The following NFYC variants were observed in gnomAD, a reference collection of about 807,000 sequenced individuals.
NFYC encodes CAAT box DNA-binding protein subunit C.
In NFYC, 25 loss-of-function variants were observed where a neutral mutation model predicts 53.1. The ratio of observed to expected loss-of-function variants is 0.47; its 90% CI spans 0.34 to 0.66. NFYC has a LOEUF of 0.66. Among genes scored for constraint, NFYC ranks in the 30% least tolerant of loss-of-function variants. The probability of loss-of-function intolerance (pLI) is 0.01; values close to 1 mark genes in which losing one functional copy is unlikely to be tolerated. For synonymous variants in NFYC, 145 were observed against 152.6 expected (o/e 0.95, Z 0.37); for missense variants, 260 against 422.7 (o/e 0.62, Z 3.38).
At chr1:40,693,124 A>G (rs537532389) in intron 1 of NFYC, among the ~76,000 whole-genome samples, 5 of 152,326 alleles carry the variant, frequency 3.3e-5, no homozygotes, top group Admixed American at 3.3e-4. Flanking sequence ...ACCCATTCCC[A>G]TGTGTACTTT....
intron 6 of NFYC, 197 bp downstream of exon 6, chr1:40,758,491 C>G: frequency 1.7e-6 from 1 of 593,200 alleles, no homozygotes; most frequent in South Asian, 2.5e-5. Context: ...CTGTTTTTCT[C>G]AAAGGTCAAA....
chr1:40,697,079 G>C (rs183026255), intron 1 of NFYC, among the ~76,000 whole-genome samples: 161 of 152,346 alleles, frequency 1.1e-3, no homozygotes, highest in African/African-American at 3.7e-3. Flanking sequence ...TTTACCCTCT[G>C]TGCTGGAGCA....
At chr1:40,758,560 G>A in intron 6 of NFYC, 1 of 345,622 alleles carries the variant, frequency 2.9e-6, no homozygotes, top group Non-Finnish European at 5.2e-6. Flanking sequence ...AGAAATTTTA[G>A]AAGGGAAAAA....
intron 5 of NFYC, chr1:40,757,251 G>A: frequency 2.1e-6 from 1 of 486,912 alleles, no homozygotes; most frequent in South Asian, 1.5e-5. Flanking sequence ...TCAGTGGTCA[G>A]GGGCTGATCA....
chr1:40,708,958 A>AT (rs567277365), intron 1 of NFYC, among the ~76,000 whole-genome samples: 13 of 152,314 alleles, frequency 8.5e-5, no homozygotes, highest in African/African-American at 3.1e-4. Flanking sequence ...ATTACCTTAA[A>AT]TTTTTTAAAT....
At chr1:40,762,053 T>C in intron 6 of NFYC, among the ~76,000 whole-genome samples, 1 of 152,196 alleles carries the variant, frequency 6.6e-6, no homozygotes, top group Non-Finnish European at 1.5e-5. Flanking sequence ...TTTGGCAGCT[T>C]GTGTCTTTAC....
chr1:40,735,338 A>C (rs1345928125), intron 1 of NFYC: 1 of 152,610 alleles, frequency 6.6e-6, no homozygotes, highest in Admixed American at 6.5e-5. Flanking sequence ...AGTTCCAAAA[A>C]AATTTGATAA....
At chr1:40,719,416 G>A (rs1472713004) in intron 1 of NFYC, among the ~76,000 whole-genome samples, 1 of 152,154 alleles carries the variant, frequency 6.6e-6, no homozygotes, top group Non-Finnish European at 1.5e-5. Context: ...TAGGAGGCTG[G>A]GCTAAGGCTC....
At chr1:40,736,338 T>C (rs1284931484) in intron 1 of NFYC, among the ~76,000 whole-genome samples, 1 of 152,154 alleles carries the variant, frequency 6.6e-6, no homozygotes, top group African/African-American at 2.4e-5. Context: ...TAAGAGTGAA[T>C]TGGACATCCC....
At chr1:40,736,987 C>T (rs998589186) in intron 1 of NFYC, among the ~76,000 whole-genome samples, 1 of 151,694 alleles carries the variant, frequency 6.6e-6, no homozygotes, top group Non-Finnish European at 1.5e-5. Context: ...ATTAGCTAGG[C>T]GTGGTGGCAG....
Position 40,770,753 on chromosome 1 carries a change from C to T in NFYC, c.933C>T (p.Asp311=). The T allele has an allele frequency of 6.2e-7, 1 of 1,613,878 alleles. No individual in the cohort carries two copies. Among genetic ancestry groups the T allele is most frequent in the Non-Finnish European group, 8.5e-7 (1 of 1,180,042 alleles). ...IQQVTMPAGQ[D]LAQPMFIQSA... The stretch of plus-strand genomic sequence containing the variant: ...AAGTCACCATGCCTGCGGGCCAGGA[C>T]CTCGCCCAGCCCATGTTCATCCAGT... Residue 311 remains aspartate, a synonymous_variant, in exon 10 of 10, where the codon GAC becomes GAT. Transcript: ENST00000447388. This position sits in a 1 kb window ranked among gnomAD's most constrained non-coding sequence, Gnocchi z 5.3.
intron 1 of NFYC, among the ~76,000 whole-genome samples, chr1:40,732,214 T>A (rs538689595): frequency 6.6e-6 from 1 of 152,348 alleles, no homozygotes; most frequent in Non-Finnish European, 1.5e-5. Flanking sequence ...TAAAAGAGTT[T>A]GGTATAGAGA....
intron 3 of NFYC, among the ~76,000 whole-genome samples, chr1:40,749,093 A>C (rs1267225714): frequency 1.3e-5 from 2 of 152,110 alleles, no homozygotes; most frequent in Non-Finnish European, 2.9e-5. Flanking sequence ...GGGTACATAT[A>C]TTATCTCATT....
At chr1:40,763,793 C>A (rs1646684619) in intron 7 of NFYC, among the ~76,000 whole-genome samples, 1 of 152,240 alleles carries the variant, frequency 6.6e-6, no homozygotes. Context: ...TGGGCGGCTT[C>A]TCTCGATTTC....
chr1:40,750,750 G>A (rs955660480), intron 4 of NFYC, among the ~76,000 whole-genome samples: 5 of 152,018 alleles, frequency 3.3e-5, no homozygotes, highest in Non-Finnish European at 5.9e-5. Flanking sequence ...AAAACACTTG[G>A]ACAGACCTTC....
At chr1:40,710,269 G>C (rs1048089447) in intron 1 of NFYC, among the ~76,000 whole-genome samples, 4 of 152,186 alleles carry the variant, frequency 2.6e-5, no homozygotes, top group African/African-American at 9.7e-5. Context: ...TTTTTCCACA[G>C]ATTTCACACA....
chr1:40,747,411 T>G, intron 2 of NFYC, 123 bp from the exon 3 acceptor site: 1 of 639,254 alleles, frequency 1.6e-6, no homozygotes, highest in Non-Finnish European at 2.8e-6. Context: ...CATCTGTACC[T>G]TCTCTCCCGA....
At chr1:40,726,076 G>A (rs1465587827) in intron 1 of NFYC, among the ~76,000 whole-genome samples, 1 of 151,732 alleles carries the variant, frequency 6.6e-6, no homozygotes, top group Non-Finnish European at 1.5e-5. Flanking sequence ...GCTGAAGTTT[G>A]GGGTGGCTTT....
intron 1 of NFYC, among the ~76,000 whole-genome samples, chr1:40,733,064 C>T (rs1318188205): frequency 7.4e-6 from 1 of 135,908 alleles, no homozygotes; most frequent in Non-Finnish European, 1.6e-5. Context: ...CAGTCTTGCA[C>T]CTCCTCTTAG....
Sources: allele counts gnomAD v4.1 joint callset (sites outside exome capture counted in the v4.1 genomes callset), GRCh38; gene constraint gnomAD v4.1.1; non-coding constraint Gnocchi (gnomAD v3.1); transcripts MANE v1.5; gene names NCBI Gene and HGNC (gene_info 2026-07-23, HGNC 2026-07-21).